Variants in RRAS2 observed in about 807,000 individuals in gnomAD.
RRAS2 encodes the protein ras-related protein R-Ras2.
RRAS2 carries 7 observed loss-of-function variants against 27.6 expected under a neutral mutation model. The ratio of observed to expected loss-of-function variants is 0.25; its 90% CI spans 0.14 to 0.48. The LOEUF is 0.48. Among genes scored for constraint, RRAS2 ranks in the 20% least tolerant of loss-of-function variants. The probability of loss-of-function intolerance (pLI) is 0.99; values close to 1 mark genes in which losing one functional copy is unlikely to be tolerated. For missense variants in RRAS2, 178 were observed against 256.2 expected (o/e 0.69, Z 2.08); for synonymous variants, 86 against 90.9 (o/e 0.95, Z 0.31).
intron 1 of RRAS2, chr11:14,342,129 CACTGCTCCT>C (rs1554953361): frequency 4.7e-6 from 1 of 214,592 alleles, no homozygotes; most frequent in Non-Finnish European, 9.2e-6. Flanking sequence ...CCTCCTACCC[CACTGCTCCT>C]CCCAGATTCA....
At chr11:14,353,943 T>C (rs1554955134) in intron 1 of RRAS2, among the ~76,000 whole-genome samples, 1 of 152,226 alleles carries the variant, frequency 6.6e-6, no homozygotes, top group Admixed American at 6.5e-5. Context: ...TGTACATTAA[T>C]GTTAAAAAAG....
chr11:14,324,659 C>T (rs1554950760), intron 1 of RRAS2, among the ~76,000 whole-genome samples: 1 of 152,062 alleles, frequency 6.6e-6, no homozygotes, highest in Non-Finnish European at 1.5e-5. Context: ...TGCTCAATGC[C>T]ATTTTCCCAG....
chr11:14,285,682 C>A (rs1229490193), intron 4 of RRAS2, among the ~76,000 whole-genome samples: 1 of 152,082 alleles, frequency 6.6e-6, no homozygotes, highest in African/African-American at 2.4e-5. Flanking sequence ...ATCTTCATTT[C>A]TGAAATAAAT....
In RRAS2 at chr11:14,358,315, G is replaced by C; in HGVS notation, c.108+448C>G. 1.0e-6 allele frequency: 1 copy of C among 985,524 alleles called. No individual in the cohort carries two copies. Among genetic ancestry groups the C allele is most frequent in the South Asian group, 4.7e-5 (1 of 21,292 alleles). 61.0% of individuals were successfully genotyped at this position (985,524 alleles called of 1,614,324 possible). ...GGAAGCCCGGAGACCACGCGGAGCC[G>C]CGGCCAAGTTGCCACCGCTATCGCC... On this transcript the variant is annotated intron_variant, in intron 1 of 5. Transcript: ENST00000256196. The surrounding 1 kb of genome is among the most constrained non-coding windows in gnomAD (Gnocchi z 5.1).
At chr11:14,334,713 A>G (rs1848556726) in intron 1 of RRAS2, among the ~76,000 whole-genome samples, 1 of 152,058 alleles carries the variant, frequency 6.6e-6, no homozygotes, top group Non-Finnish European at 1.5e-5. Context: ...AAAAAAAAGT[A>G]TATTATTCTG....
intron 1 of RRAS2, among the ~76,000 whole-genome samples, chr11:14,345,780 T>G (rs1212964812): frequency 5.9e-5 from 9 of 152,232 alleles, no homozygotes; most frequent in Admixed American, 2.0e-4. Context: ...TTTGTTGAAA[T>G]TCTGCTACTG....
intron 2 of RRAS2, among the ~76,000 whole-genome samples, chr11:14,295,198 C>G (rs962196805): frequency 2.0e-5 from 3 of 152,140 alleles, no homozygotes; most frequent in South Asian, 2.1e-4. Context: ...ATGGAAAAAA[C>G]TGAAAAAGAT....
At chr11:14,281,260 A>G (rs1554944266) in intron 5 of RRAS2, among the ~76,000 whole-genome samples, 1 of 152,168 alleles carries the variant, frequency 6.6e-6, no homozygotes, top group African/African-American at 2.4e-5. Context: ...TATTTAGTTT[A>G]TTGGGCGAGG....
intron 1 of RRAS2, among the ~76,000 whole-genome samples, chr11:14,306,928 C>T (rs1450057341): frequency 4.0e-5 from 6 of 150,586 alleles, no homozygotes; most frequent in Non-Finnish European, 7.4e-5. Context: ...CAGTGGCTCA[C>T]GCTTATAATC....
chr11:14,356,717 A>G, intron 1 of RRAS2: 1 of 446,030 alleles, frequency 2.2e-6, no homozygotes, highest in South Asian at 1.6e-5. Flanking sequence ...TATCATCTAG[A>G]GCATCCAGGT....
chr11:14,299,571 G>C (rs535307405), intron 1 of RRAS2, among the ~76,000 whole-genome samples: 16 of 152,284 alleles, frequency 1.1e-4, no homozygotes, highest in Admixed American at 5.2e-4. Flanking sequence ...TTTGATCTGT[G>C]TTGTTCACCA....
At chr11:14,348,859 G>A (rs1848890967) in intron 1 of RRAS2, among the ~76,000 whole-genome samples, 1 of 152,070 alleles carries the variant, frequency 6.6e-6, no homozygotes, top group Admixed American at 6.5e-5. Context: ...TTGCTAAAGG[G>A]GTATCACTGC....
intron 1 of RRAS2, among the ~76,000 whole-genome samples, chr11:14,339,356 T>C (rs1409120848): frequency 1.3e-5 from 2 of 152,078 alleles, no homozygotes; most frequent in African/African-American, 4.8e-5. Flanking sequence ...TTTTTTGTTT[T>C]GTTTTTGCTT....
intron 1 of RRAS2, among the ~76,000 whole-genome samples, chr11:14,327,836 A>G (rs562053017): frequency 1.3e-5 from 2 of 152,352 alleles, no homozygotes; most frequent in South Asian, 4.1e-4. Context: ...AAGGATGAAA[A>G]GGTTTTATTT....
intron 1 of RRAS2, among the ~76,000 whole-genome samples, chr11:14,326,149 C>G (rs1848352497): frequency 6.6e-6 from 1 of 152,048 alleles, no homozygotes; most frequent in African/African-American, 2.4e-5. Flanking sequence ...GCATGGAATC[C>G]AAAAATAGTA....
At position 14,279,415 on chromosome 11, in the gene RRAS2, T is replaced by C. The variant is rs1554943976; in HGVS notation, c.537A>G (p.Gln179=). 1.9e-6 allele frequency: 3 copies of C among 1,610,536 alleles called. No homozygotes were observed. Among genetic ancestry groups the C allele is most frequent in the East Asian group, 2.2e-5 (1 of 44,866 alleles). The stretch of plus-strand genomic sequence containing the variant: ...CTGGTGAAGGAGGACATTCCTGCTC[T>C]TGAAATTTCCTGTAAGATAAAAAAT... ...HELVRVIRKF[Q]EQECPPSPEP... is the part of the protein sequence containing the mutation. The change falls in exon 6 of 6, where the codon CAA becomes CAG. Residue 179 remains glutamine, a synonymous_variant. Transcript: ENST00000256196.
rs1404918938 is a variant in RRAS2, at chr11:14,279,548, G to A, written c.528-124C>T. The A allele has an allele frequency of 6.5e-5, 48 of 738,358 alleles. No homozygotes were observed. In the East Asian group the frequency reaches 8.1e-4, roughly 13 times the overall value. The allele number at this position is 738,358 out of a possible 1,614,324, so 45.7% of individuals were successfully genotyped here. ...GCTTTTCAGTGTTAAACTTCAACGA[G>A]GGAATTTCTCTCTTTCCTACCCCCA... On this transcript the variant is annotated intron_variant, in intron 5 of 5. Coordinates refer to ENST00000256196, the MANE Select transcript of RRAS2 (RefSeq NM_012250.6).
chr11:14,353,617 C>T (rs1305595346), intron 1 of RRAS2, among the ~76,000 whole-genome samples: 1 of 151,564 alleles, frequency 6.6e-6, no homozygotes, highest in East Asian at 1.9e-4. Flanking sequence ...AAAGTGTCCC[C>T]ACTCAATTCC....
Position 14,358,285 on chromosome 11 carries a change from C to T in RRAS2, c.108+478G>A. The T allele has an allele frequency of 1.0e-6, 1 of 985,500 alleles. No individual in the cohort carries two copies. The highest frequency in any genetic ancestry group is 1.2e-6 in the Non-Finnish European group (1 of 829,982). The allele number at this position is 985,500 out of a possible 1,614,324, so 61.0% of individuals were successfully genotyped here. ...AAGCGGGCAGCTCCGGCTCAGGCGG[C>T]GCGGGGAAGCCCGGAGACCACGCGG... is the stretch of plus-strand genomic sequence containing the variant. On this transcript the variant is annotated intron_variant, in intron 1 of 5. Coordinates refer to ENST00000256196, the MANE Select transcript of RRAS2 (RefSeq NM_012250.6). This position sits in a 1 kb window ranked among gnomAD's most constrained non-coding sequence, Gnocchi z 5.1.
Sources: gnomAD v4.1 joint callset for allele counts (sites outside exome capture counted in the v4.1 genomes callset) on GRCh38, gnomAD v4.1.1 for gene constraint, Gnocchi (gnomAD v3.1) non-coding constraint, MANE v1.5 for transcripts, NCBI Gene and HGNC (gene_info 2026-07-23, HGNC 2026-07-21) for gene names.